The following CAST variants were observed in gnomAD, a reference collection of about 807,000 sequenced individuals.
The protein encoded by CAST is MIR583 host.
In CAST, 76 loss-of-function variants were observed where a neutral mutation model predicts 119.6. That is an observed-to-expected ratio of 0.64 (90% CI 0.53 to 0.77). The LOEUF (loss-of-function observed/expected upper bound fraction) is 0.77, where lower values mean the gene tolerates loss of function less well. Ranked by LOEUF, CAST falls within the 30% of genes least tolerant of loss-of-function variation. The pLI is 0.00. For synonymous variants in CAST, 319 were observed against 331.6 expected, an observed-to-expected ratio of 0.96 and a Z score of 0.41; for missense variants, 953 against 946.5, an observed-to-expected ratio of 1.01 and a Z score of -0.09.
intron 1 of CAST, among the ~76,000 whole-genome samples, chr5:96,568,866 G>C (rs770639573): frequency 1.3e-5 from 2 of 151,930 alleles, no homozygotes; most frequent in Non-Finnish European, 2.9e-5. Flanking sequence ...CAAGCAGAAG[G>C]GACAATGAAA....
chr5:96,246,055 C>T, the CAST span, among the ~76,000 whole-genome samples: 188 of 152,172 alleles, frequency 1.2e-3, no homozygotes, highest in African/African-American at 4.4e-3. Flanking sequence ...CAGAGAACCT[C>T]TCAAAACCAT....
At chr5:96,724,141 G>A (rs1758803540) in intron 4 of CAST, among the ~76,000 whole-genome samples, 2 of 152,078 alleles carry the variant, frequency 1.3e-5, no homozygotes, top group East Asian at 1.9e-4. Context: ...AATGTTAGCT[G>A]TCTCTATTTA....
chr5:96,727,573 T>A, intron 6 of CAST, 43 bp downstream of exon 6: 3 of 1,287,258 alleles, frequency 2.3e-6, no homozygotes, highest in Non-Finnish European at 3.3e-6. Context: ...GGATTCTTTT[T>A]AATAATAATG....
At chr5:96,237,998 A>T in the CAST span, among the ~76,000 whole-genome samples, 2 of 152,098 alleles carry the variant, frequency 1.3e-5, no homozygotes, top group Admixed American at 6.5e-5. Context: ...ATAATGAAAG[A>T]TTATATGAAT....
chr5:96,767,691 T>C (rs1412499023), intron 28 of CAST, among the ~76,000 whole-genome samples: 1 of 152,214 alleles, frequency 6.6e-6, no homozygotes. Context: ...GCTCAGAGAA[T>C]GCTAAGCAAC....
At chr5:96,710,037 A>G (rs1179855305) in intron 3 of CAST, among the ~76,000 whole-genome samples, 3 of 152,224 alleles carry the variant, frequency 2.0e-5, no homozygotes, top group African/African-American at 7.2e-5. Context: ...GTTTAGGGAC[A>G]TAAGACTAAA....
chr5:96,137,227 T>C, the CAST span, among the ~76,000 whole-genome samples: 3 of 152,174 alleles, frequency 2.0e-5, no homozygotes, highest in African/African-American at 7.2e-5. Flanking sequence ...CTCACTACTT[T>C]TGTCTTTTAC....
chr5:96,736,097 T>A, intron 9 of CAST, 75 bp from the exon 10 acceptor site: 1 of 888,560 alleles, frequency 1.1e-6, no homozygotes, highest in South Asian at 1.5e-5. Context: ...TATAATGAAT[T>A]TATTTTAAAA....
chr5:96,527,778 GC>G (rs1461810590), upstream of CAST, among the ~76,000 whole-genome samples: 2 of 152,152 alleles, frequency 1.3e-5, no homozygotes, highest in Non-Finnish European at 2.9e-5. Context: ...CCATTCTAGA[GC>G]CAATATCCAT....
At chr5:96,619,806 C>T (rs1329350315) in intron 1 of CAST, among the ~76,000 whole-genome samples, 2 of 152,170 alleles carry the variant, frequency 1.3e-5, no homozygotes, top group Non-Finnish European at 1.5e-5. Flanking sequence ...AAGAAACCAC[C>T]AATTTCCGAC....
the CAST span, among the ~76,000 whole-genome samples, chr5:96,258,991 C>T: frequency 1.8e-4 from 28 of 152,124 alleles, no homozygotes; most frequent in Non-Finnish European, 3.7e-4. Flanking sequence ...GAAGAGGTTA[C>T]TTTGGGCTGG....
At chr5:96,710,539 T>G (rs1188262263) in intron 3 of CAST, among the ~76,000 whole-genome samples, 1 of 152,116 alleles carries the variant, frequency 6.6e-6, no homozygotes, top group African/African-American at 2.4e-5. Context: ...CTATAAATAA[T>G]TCTCTTCCAG....
At chr5:96,534,793 GA>G (rs1252728985) in intron 1 of CAST, among the ~76,000 whole-genome samples, 19 of 110,194 alleles carry the variant, frequency 1.7e-4, no homozygotes, top group East Asian at 2.2e-4. Flanking sequence ...AAGAAAGAAA[GA>G]AAGAAAGAAG....
chr5:96,404,928 T>A, the CAST span, among the ~76,000 whole-genome samples: 1 of 152,212 alleles, frequency 6.6e-6, no homozygotes, highest in Non-Finnish European at 1.5e-5. Flanking sequence ...CTAATCAATA[T>A]TGGGTGCCAT....
At chr5:96,299,830 A>G in the CAST span, among the ~76,000 whole-genome samples, 2 of 152,056 alleles carry the variant, frequency 1.3e-5, no homozygotes, top group Non-Finnish European at 2.9e-5. Flanking sequence ...GTACAAAGTG[A>G]TGATGTGATT....
intron 20 of CAST, among the ~76,000 whole-genome samples, chr5:96,752,961 TACACACACACAC>T (rs112835890): frequency 8.4e-5 from 12 of 143,320 alleles, no homozygotes; most frequent in East Asian, 2.0e-4. Flanking sequence ...ATGCATTTTA[TACACACACACAC>T]ACACACACAC....
At chr5:96,263,325 G>A in the CAST span, among the ~76,000 whole-genome samples, 586 of 152,164 alleles carry the variant, frequency 3.9e-3, no homozygotes, top group South Asian at 7.7e-3. Context: ...GGTTGTGGGT[G>A]GTAAGTGATA....
chr5:96,446,764 A>G, the CAST span, among the ~76,000 whole-genome samples: 3 of 152,204 alleles, frequency 2.0e-5, no homozygotes, highest in Non-Finnish European at 4.4e-5. Context: ...AAGAGAATAG[A>G]TGAAGAGTCA....
At chr5:96,604,060 TG>T (rs1747208947) in intron 1 of CAST, among the ~76,000 whole-genome samples, 1 of 152,170 alleles carries the variant, frequency 6.6e-6, no homozygotes, top group Non-Finnish European at 1.5e-5. Context: ...CCACCCCACC[TG>T]GCCCCTTGTG....
Sources: allele counts gnomAD v4.1 joint callset (sites outside exome capture counted in the v4.1 genomes callset), GRCh38; gene constraint gnomAD v4.1.1; transcripts MANE v1.5; gene names NCBI Gene and HGNC (gene_info 2026-07-23, HGNC 2026-07-21).